The following EPHA6 variants were observed in gnomAD, a reference collection of about 807,000 sequenced individuals.
EPHA6 encodes the protein EPH receptor A6, also known as ephrin type-A receptor 6.
Under a neutral mutation model 112.0 loss-of-function variants are expected in EPHA6, and 50 were observed. The observed-to-expected ratio is 0.45, with a 90% CI of 0.36 to 0.56. The LOEUF is 0.56. Ranked by LOEUF, EPHA6 falls within the 20% of genes least tolerant of loss-of-function variation. The pLI, the probability that EPHA6 is intolerant of heterozygous loss-of-function variation, is 0.00. For synonymous variants in EPHA6, 529 were observed against 490.7 expected, an observed-to-expected ratio of 1.08 and a Z score of -1.03; for missense variants, 1,280 against 1,417.4, an observed-to-expected ratio of 0.90 and a Z score of 1.56.
intron 8 of EPHA6, among the ~76,000 whole-genome samples, chr3:97,476,097 C>G (rs13064480): frequency 2.0e-5 from 3 of 152,072 alleles, no homozygotes; most frequent in Middle Eastern, 3.4e-3. Context: ...AGTATGAATA[C>G]CATAATCCAG....
At chr3:97,348,792 A>G (rs1429821501) in intron 5 of EPHA6, among the ~76,000 whole-genome samples, 1 of 152,022 alleles carries the variant, frequency 6.6e-6, no homozygotes, top group Non-Finnish European at 1.5e-5. Context: ...GGGAGCATAG[A>G]CAATTGGGAT....
intron 4 of EPHA6, among the ~76,000 whole-genome samples, chr3:97,240,260 GTGTTCCTTT>G (rs2078804889): frequency 6.6e-6 from 1 of 151,770 alleles, no homozygotes; most frequent in Non-Finnish European, 1.5e-5. Context: ...ATGGTTCAGT[GTGTTCCTTT>G]AATCTTGTCT....
intron 11 of EPHA6, among the ~76,000 whole-genome samples, chr3:97,555,730 G>A (rs1192716897): frequency 1.3e-5 from 2 of 152,200 alleles, no homozygotes; most frequent in East Asian, 1.9e-4. Context: ...GTCTTCTTTT[G>A]AGAAGTGTCT....
intron 14 of EPHA6, among the ~76,000 whole-genome samples, chr3:97,706,881 T>C (rs574432720): frequency 1.3e-5 from 2 of 151,934 alleles, no homozygotes; most frequent in Non-Finnish European, 2.9e-5. Context: ...TTTATTTACA[T>C]CAATGTTTCT....
intron 3 of EPHA6, among the ~76,000 whole-genome samples, chr3:97,012,787 C>G (rs945175026): frequency 6.6e-6 from 1 of 151,440 alleles, no homozygotes; most frequent in African/African-American, 2.4e-5. Flanking sequence ...TTAATAATAG[C>G]CCTTCTGACT....
chr3:97,316,101 A>G (rs548136877), intron 5 of EPHA6, among the ~76,000 whole-genome samples: 26 of 151,976 alleles, frequency 1.7e-4, no homozygotes, highest in South Asian at 6.2e-4. Flanking sequence ...GTCATATTAA[A>G]TGATTTTAAA....
At chr3:97,450,602 C>G (rs150467179) in intron 7 of EPHA6, among the ~76,000 whole-genome samples, 9 of 152,114 alleles carry the variant, frequency 5.9e-5, no homozygotes, top group African/African-American at 2.2e-4. Context: ...TTGGTTTTAA[C>G]ATTAGATTTC....
rs2035906803 is a variant in EPHA6 at position 97,751,754 on chromosome 3, A to G, written c.*3053A>G. ...TAACTTCCATAAATCACAAGTCTTC[A>G]GGAATAATCTTTGATACCTAAAATA... On this transcript the variant is annotated 3_prime_UTR_variant, in exon 18 of 18. Coordinates refer to ENST00000389672, the MANE Select transcript of EPHA6 (RefSeq NM_001080448.3). 6.6e-6 allele frequency among the ~76,000 whole-genome samples: 1 copy of G among 152,302 alleles called. No homozygotes were observed. Among genetic ancestry groups the G allele is most frequent in the Non-Finnish European group, 1.5e-5 (1 of 67,980 alleles).
At chr3:96,903,757 A>C (rs560625759) in intron 2 of EPHA6, among the ~76,000 whole-genome samples, 9 of 152,316 alleles carry the variant, frequency 5.9e-5, no homozygotes, top group African/African-American at 2.2e-4. Flanking sequence ...AAACAAATTT[A>C]CAAGAAAAAA....
At chr3:97,204,849 G>A (rs2077674059) in intron 3 of EPHA6, among the ~76,000 whole-genome samples, 1 of 152,044 alleles carries the variant, frequency 6.6e-6, no homozygotes, top group South Asian at 2.1e-4. Context: ...TTTACAACAG[G>A]CATTTTGCCT....
chr3:97,669,766 G>C (rs2030604128), intron 14 of EPHA6, among the ~76,000 whole-genome samples: 1 of 152,140 alleles, frequency 6.6e-6, no homozygotes, highest in Non-Finnish European at 1.5e-5. Context: ...AAATTGTTCA[G>C]GTTAGTTGTA....
chr3:97,172,602 T>G (rs1004281973), intron 3 of EPHA6, among the ~76,000 whole-genome samples: 4 of 152,018 alleles, frequency 2.6e-5, no homozygotes, highest in South Asian at 2.1e-4. Flanking sequence ...ATAGTTTTTT[T>G]GGGGGGGACT....
chr3:97,501,671 G>T (rs1018082700), intron 10 of EPHA6, among the ~76,000 whole-genome samples: 8 of 151,712 alleles, frequency 5.3e-5, no homozygotes, highest in African/African-American at 1.9e-4. Flanking sequence ...AACTTACAGG[G>T]CACAACTAAT....
chr3:97,519,765 G>A (rs1446216065), intron 10 of EPHA6, among the ~76,000 whole-genome samples: 1 of 151,442 alleles, frequency 6.6e-6, no homozygotes, highest in African/African-American at 2.4e-5. Flanking sequence ...TTTCCTTGTT[G>A]ATTTTTTTTC....
intron 14 of EPHA6, among the ~76,000 whole-genome samples, chr3:97,691,362 G>A (rs1441466124): frequency 1.3e-5 from 2 of 152,190 alleles, no homozygotes; most frequent in African/African-American, 4.8e-5. Context: ...AAGTTTTAAA[G>A]TCTGTTAATA....
intron 1 of EPHA6, among the ~76,000 whole-genome samples, chr3:96,849,477 C>G (rs563445230): frequency 2.0e-4 from 30 of 152,130 alleles, no homozygotes; most frequent in Admixed American, 6.6e-4. Flanking sequence ...ACTTTTAAGT[C>G]TTGCTGTGTT....
At chr3:96,900,313 G>A (rs1366199249) in intron 2 of EPHA6, among the ~76,000 whole-genome samples, 1 of 152,110 alleles carries the variant, frequency 6.6e-6, no homozygotes, top group East Asian at 1.9e-4. Flanking sequence ...ATGCAAAATG[G>A]TATTACCTGT....
At chr3:97,368,697 CTT>C (rs1285989118) in intron 5 of EPHA6, among the ~76,000 whole-genome samples, 1 of 152,150 alleles carries the variant, frequency 6.6e-6, no homozygotes, top group Non-Finnish European at 1.5e-5. Flanking sequence ...CCATTACCCT[CTT>C]TAAGAATCTC....
At chr3:97,072,305 G>T (rs912774358) in intron 3 of EPHA6, among the ~76,000 whole-genome samples, 7 of 152,100 alleles carry the variant, frequency 4.6e-5, no homozygotes, top group Non-Finnish European at 7.4e-5. Flanking sequence ...ATGAGGTTAA[G>T]ATGAGGTTCT....
Sources: gnomAD v4.1 joint callset for allele counts (sites outside exome capture counted in the v4.1 genomes callset) on GRCh38, gnomAD v4.1.1 for gene constraint, MANE v1.5 for transcripts, NCBI Gene and HGNC (gene_info 2026-07-23, HGNC 2026-07-21) for gene names.